Variants in PLCG2 observed in about 807,000 individuals in gnomAD.
The protein encoded by PLCG2 is 1-phosphatidylinositol 4,5-bisphosphate phosphodiesterase gamma-2.
A neutral mutation model predicts 175.6 loss-of-function variants in PLCG2; 69 were observed. The observed-to-expected ratio is 0.39, with a 90% CI of 0.32 to 0.48. The LOEUF is 0.48. PLCG2 is among the 20% of genes least tolerant of loss of function. The probability of loss-of-function intolerance (pLI) is 0.91; values close to 1 mark genes in which losing one functional copy is unlikely to be tolerated. For synonymous variants in PLCG2, 827 were observed against 624.0 expected, an observed-to-expected ratio of 1.33 and a Z score of -4.85; for missense variants, 1,798 against 1,650.9, an observed-to-expected ratio of 1.09 and a Z score of -1.54.
chr16:81,747,504 C>T (rs866609203), intron 1 of PLCG2, among the ~76,000 whole-genome samples: 4 of 152,200 alleles, frequency 2.6e-5, no homozygotes, highest in Middle Eastern at 3.4e-3. Context: ...CCCTGCACTC[C>T]AGCCTGGGCG....
chr16:81,828,471 C>G (rs1363926897), intron 2 of PLCG2, among the ~76,000 whole-genome samples: 1 of 152,002 alleles, frequency 6.6e-6, no homozygotes, highest in African/African-American at 2.4e-5. Context: ...ATCTCCTGAC[C>G]TCGTGATCCA....
chr16:81,947,704 A>T (rs1352189279), intron 31 of PLCG2, among the ~76,000 whole-genome samples: 1 of 152,202 alleles, frequency 6.6e-6, no homozygotes, highest in Non-Finnish European at 1.5e-5. Context: ...TGAAGAAGCC[A>T]TTTACATGTC....
chr16:81,910,871 T>G, intron 18 of PLCG2, 151 bp downstream of exon 18: 1 of 695,238 alleles, frequency 1.4e-6, no homozygotes, highest in East Asian at 2.6e-5. Context: ...GTGGCCAGTT[T>G]CCAAATTCCT....
intron 2 of PLCG2, among the ~76,000 whole-genome samples, chr16:81,771,861 G>A (rs1472046257): frequency 6.6e-6 from 1 of 152,142 alleles, no homozygotes. Context: ...TCCGCTCACT[G>A]CAACCTCCAC....
At chr16:81,805,783 GT>G (rs35014411) in intron 2 of PLCG2, among the ~76,000 whole-genome samples, 26,988 of 83,482 alleles carry the variant, frequency 0.32, 4,752 homozygotes, top group East Asian at 0.76. Flanking sequence ...TTTTTTTTTT[GT>G]TTTTTTTTTT....
At chr16:81,874,415 T>G (rs915929283) in intron 7 of PLCG2, among the ~76,000 whole-genome samples, 2 of 152,238 alleles carry the variant, frequency 1.3e-5, no homozygotes, top group Non-Finnish European at 2.9e-5. Context: ...TTTAATTTAG[T>G]GACAGATTTG....
intron 2 of PLCG2, among the ~76,000 whole-genome samples, chr16:81,756,361 A>C (rs1219964077): frequency 1.3e-5 from 2 of 152,242 alleles, no homozygotes; most frequent in African/African-American, 4.8e-5. Flanking sequence ...GACCTCAGCG[A>C]TCTGTAAGAT....
At chr16:81,761,467 C>A (rs1423672173) in intron 2 of PLCG2, among the ~76,000 whole-genome samples, 1 of 152,138 alleles carries the variant, frequency 6.6e-6, no homozygotes, top group South Asian at 2.1e-4. Flanking sequence ...TGAGAGGTGA[C>A]GCGTTGTAAT....
At chr16:81,883,428 C>T (rs1475099317) in intron 9 of PLCG2, 87 bp downstream of exon 9, 1 of 1,082,928 alleles carries the variant, frequency 9.2e-7, no homozygotes, top group East Asian at 2.4e-5. Flanking sequence ...CTGTGCTCAC[C>T]TGGTCACCTG....
intron 2 of PLCG2, among the ~76,000 whole-genome samples, chr16:81,793,126 A>G (rs1243911806): frequency 6.6e-6 from 1 of 152,210 alleles, no homozygotes; most frequent in East Asian, 1.9e-4. Flanking sequence ...CTGAGTCTGA[A>G]GCACAACACC....
upstream of PLCG2, among the ~76,000 whole-genome samples, chr16:81,775,709 GT>G (rs1406195649): frequency 6.6e-6 from 1 of 152,156 alleles, no homozygotes; most frequent in Non-Finnish European, 1.5e-5. Context: ...AATACAAAGA[GT>G]CAAGATGATT....
At chr16:81,834,987 G>A (rs1048816714) in intron 2 of PLCG2, among the ~76,000 whole-genome samples, 5 of 152,134 alleles carry the variant, frequency 3.3e-5, no homozygotes, top group Non-Finnish European at 7.4e-5. Flanking sequence ...GTGGGCAGGG[G>A]AAAGGCCCAT....
intron 30 of PLCG2, 65 bp from the exon 31 acceptor site, chr16:81,946,110 C>A: frequency 7.8e-7 from 1 of 1,284,300 alleles, no homozygotes; most frequent in Non-Finnish European, 1.1e-6. Flanking sequence ...AGGTAGCCTC[C>A]AAAAAAAATC....
At chr16:81,880,392 C>G (rs917736988) in intron 7 of PLCG2, among the ~76,000 whole-genome samples, 1 of 152,158 alleles carries the variant, frequency 6.6e-6, no homozygotes, top group Non-Finnish European at 1.5e-5. Flanking sequence ...TAGGACTCTA[C>G]TCTGTAGAAA....
At chr16:81,792,846 G>C (rs1409777498) in intron 2 of PLCG2, among the ~76,000 whole-genome samples, 1 of 152,126 alleles carries the variant, frequency 6.6e-6, no homozygotes, top group East Asian at 1.9e-4. Context: ...ATGAGATTTG[G>C]GTGGGGAGAG....
chr16:81,806,262 T>C (rs891979371), intron 2 of PLCG2, among the ~76,000 whole-genome samples: 4 of 152,044 alleles, frequency 2.6e-5, no homozygotes, highest in African/African-American at 9.7e-5. Flanking sequence ...CATTACCTGC[T>C]TCCGTGGTCC....
At chr16:81,893,528 T>C (rs1441934195) in intron 11 of PLCG2, among the ~76,000 whole-genome samples, 181 bp from the exon 12 acceptor site, 2 of 152,242 alleles carry the variant, frequency 1.3e-5, no homozygotes, top group African/African-American at 2.4e-5. Context: ...TCATGCCCAG[T>C]GTGACCGTGG....
chr16:81,749,082 G>T (rs554849135), intron 1 of PLCG2, among the ~76,000 whole-genome samples: 1 of 152,188 alleles, frequency 6.6e-6, no homozygotes, highest in Admixed American at 6.5e-5. Flanking sequence ...CTTTCACAAG[G>T]GGGCCCCTCA....
At chr16:81,829,936 G>A (rs1274795647) in intron 2 of PLCG2, among the ~76,000 whole-genome samples, 3 of 152,098 alleles carry the variant, frequency 2.0e-5, no homozygotes, top group South Asian at 2.1e-4. Context: ...TCTACCTCTC[G>A]GTGGCATCCC....
Sources: gnomAD v4.1 joint callset for allele counts (sites outside exome capture counted in the v4.1 genomes callset) on GRCh38, gnomAD v4.1.1 for gene constraint, MANE v1.5 for transcripts, NCBI Gene and HGNC (gene_info 2026-07-23, HGNC 2026-07-21) for gene names.